Variants in SEMA3D observed in about 807,000 individuals in gnomAD.
SEMA3D encodes semaphorin 3D.
Under a neutral mutation model 100.1 loss-of-function variants are expected in SEMA3D, and 84 were observed. The ratio of observed to expected loss-of-function variants is 0.84; its 90% CI spans 0.70 to 1.01. SEMA3D has a LOEUF of 1.01. Ranked by LOEUF, SEMA3D falls within the 50% of genes least tolerant of loss-of-function variation. The probability of loss-of-function intolerance (pLI) is 0.00; values close to 1 mark genes in which losing one functional copy is unlikely to be tolerated. For missense variants in SEMA3D, 875 were observed against 934.1 expected (o/e 0.94, Z 0.82); for synonymous variants, 312 against 320.7 (o/e 0.97, Z 0.29).
chr7:85,181,887 CAAA>C, intron 1 of SEMA3D: 1 of 278,648 alleles, frequency 3.6e-6, no homozygotes, highest in Non-Finnish European at 5.4e-6. Flanking sequence ...TGAAAATCAT[CAAA>C]ATTATTAAAA....
chr7:85,191,225 C>T (rs545669216), upstream of SEMA3D, among the ~76,000 whole-genome samples: 5 of 152,120 alleles, frequency 3.3e-5, no homozygotes, highest in South Asian at 6.2e-4. Flanking sequence ...GAATTTGGAA[C>T]GGTTTTCCAC....
chr7:85,145,058 C>T (rs1790163425), intron 2 of SEMA3D, among the ~76,000 whole-genome samples: 1 of 152,038 alleles, frequency 6.6e-6, no homozygotes, highest in African/African-American at 2.4e-5. Context: ...TTCAAGGGCT[C>T]TGAATTATGA....
intron 11 of SEMA3D, 99 bp from the exon 12 acceptor site, chr7:85,037,132 T>C (rs1277127607): frequency 1.3e-5 from 15 of 1,174,702 alleles, no homozygotes; most frequent in Non-Finnish European, 1.6e-5. Flanking sequence ...CAAAATTTAC[T>C]TAGCACATTA....
At chr7:85,239,546 A>C in the SEMA3D span, among the ~76,000 whole-genome samples, 1 of 152,178 alleles carries the variant, frequency 6.6e-6, no homozygotes, top group Admixed American at 6.5e-5. Flanking sequence ...CTGACACAGA[A>C]AGTCTGCAGA....
chr7:85,214,347 TTACTAATTG>T, the SEMA3D span, among the ~76,000 whole-genome samples: 1 of 152,128 alleles, frequency 6.6e-6, no homozygotes, highest in Non-Finnish European at 1.5e-5. Context: ...TTGCACTATA[TTACTAATTG>T]TACCTAGAGT....
chr7:85,070,497 G>A (rs1270335202), intron 6 of SEMA3D, among the ~76,000 whole-genome samples: 4 of 152,048 alleles, frequency 2.6e-5, no homozygotes, highest in Non-Finnish European at 4.4e-5. Flanking sequence ...ACCTTAGGAG[G>A]AGCCTTATTT....
At position 85,065,585 on chromosome 7, in the gene SEMA3D, A is replaced by T. The variant is rs114386950; in HGVS notation, c.590-33T>A. 2,591 of 1,583,174 alleles carry T rather than the reference A, an allele frequency of 1.6e-3. 25 individuals carry two copies. In the African/African-American group the frequency reaches 0.029, roughly 18 times the overall value. Reference sequence around the variant, plus strand: ...GGAGAAAAAAGTACACAGAACTTTTAAGAGTACAGCAGTAGATGCTATTTA... The same window carrying T: ...GGAGAAAAAAGTACACAGAACTTTTTAGAGTACAGCAGTAGATGCTATTTA... On this transcript the variant is annotated intron_variant, in intron 7 of 18. Coordinates refer to ENST00000284136, the MANE Select transcript of SEMA3D (RefSeq NM_001384900.1).
At chr7:85,161,195 T>A (rs951509189) in intron 1 of SEMA3D, among the ~76,000 whole-genome samples, 15 of 152,138 alleles carry the variant, frequency 9.9e-5, no homozygotes, top group Non-Finnish European at 1.9e-4. Flanking sequence ...GTTGTTACAC[T>A]AGTCTTCACC....
At position 85,108,311 on chromosome 7, in the gene SEMA3D, C is replaced by T. The variant is rs553607069; in HGVS notation, c.152-10346G>A. Among the ~76,000 whole-genome samples, 5 of 152,048 alleles carry T rather than the reference C, an allele frequency of 3.3e-5. No homozygotes were observed. In the East Asian group the frequency reaches 9.7e-4, roughly 30 times the overall value. ...ATTTTTGTTTGCCTTGGTTTATCTACCTTTGATCTAAATCAGGATTTATTG... is the reference window on the plus strand; with the variant it reads ...ATTTTTGTTTGCCTTGGTTTATCTATCTTTGATCTAAATCAGGATTTATTG... On this transcript the variant is annotated intron_variant, in intron 3 of 18. Transcript: ENST00000284136.
At position 84,999,661 on chromosome 7, in the gene SEMA3D, G is replaced by A; in HGVS notation, c.2113C>T (p.Leu705=). Residue 705 remains leucine (L), a synonymous_variant, in exon 19 of 19, where the codon CTA becomes TTA. Coordinates refer to ENST00000284136, the MANE Select transcript of SEMA3D (RefSeq NM_001384900.1). ...TATCTCAACCGTGACTCAGCCAATAGATCCTTGACCTTCCCCTCCTCATGC... is the reference window on the plus strand; with the variant it reads ...TATCTCAACCGTGACTCAGCCAATAAATCCTTGACCTTCCCCTCCTCATGC... The part of the protein sequence containing the change: ...AEHEEGKVKD[L]LAESRLRYKD... 1 of 1,614,028 alleles carries A rather than the reference G, an allele frequency of 6.2e-7. No individual in the cohort carries two copies. The highest frequency in any genetic ancestry group is 8.5e-7 in the Non-Finnish European group (1 of 1,179,980).
chr7:85,066,389 A>C (rs1222943603), intron 7 of SEMA3D, among the ~76,000 whole-genome samples: 1 of 151,812 alleles, frequency 6.6e-6, no homozygotes, highest in African/African-American at 2.4e-5. Context: ...ACAAAGAGAA[A>C]AGAGAAAAGG....
intron 1 of SEMA3D, chr7:85,181,647 A>C (rs1791413615): frequency 4.8e-6 from 1 of 209,428 alleles, no homozygotes; most frequent in Admixed American, 6.5e-5. Flanking sequence ...CTACTCCTGA[A>C]GTGTGGGCTA....
At chr7:85,043,161 C>A (rs1790910148) in intron 9 of SEMA3D, among the ~76,000 whole-genome samples, 1 of 152,124 alleles carries the variant, frequency 6.6e-6, no homozygotes, top group Non-Finnish European at 1.5e-5. Flanking sequence ...AGTTCGAGAC[C>A]AGTATGGTCA....
At chr7:85,086,634 G>C (rs1315376030) in intron 4 of SEMA3D, among the ~76,000 whole-genome samples, 1 of 108,194 alleles carries the variant, frequency 9.2e-6, no homozygotes, top group Non-Finnish European at 1.7e-5. Flanking sequence ...CTCTCTCCGT[G>C]TGTGTGTGTG....
At chr7:85,177,029 C>G (rs979799494) in intron 1 of SEMA3D, among the ~76,000 whole-genome samples, 5 of 151,982 alleles carry the variant, frequency 3.3e-5, no homozygotes, top group Non-Finnish European at 7.4e-5. Context: ...GATTTGTAGC[C>G]TAGGAGCAAT....
the SEMA3D span, among the ~76,000 whole-genome samples, chr7:85,223,756 A>C: frequency 6.6e-6 from 1 of 152,028 alleles, no homozygotes; most frequent in Non-Finnish European, 1.5e-5. Context: ...AACTTTGGGG[A>C]CTCTGGGAGG....
rs115888363 is a variant in SEMA3D, at chr7:85,035,707, A to C, written c.1191+1182T>G. On this transcript the variant is annotated intron_variant, in intron 12 of 18. Transcript: ENST00000284136. The stretch of plus-strand genomic sequence containing the variant: ...CAACAATAATGGATGGTAAATTAAA[A>C]AATTTAAGGGGATAGGTCTCATGTT... 6.8e-3 allele frequency among the ~76,000 whole-genome samples: 1,036 copies of C among 152,184 alleles called. 9 individuals carry two copies. Among genetic ancestry groups the C allele is most frequent in the African/African-American group, 0.024 (992 of 41,562 alleles).
At chr7:85,118,581 A>G (rs1044960701) in intron 3 of SEMA3D, among the ~76,000 whole-genome samples, 39 of 152,176 alleles carry the variant, frequency 2.6e-4, no homozygotes, top group Admixed American at 2.2e-3. Flanking sequence ...GGACTAAAGT[A>G]TCCCTTACAG....
chr7:85,122,285 A>T (rs1051141542), intron 2 of SEMA3D, among the ~76,000 whole-genome samples: 3 of 152,058 alleles, frequency 2.0e-5, no homozygotes, highest in Non-Finnish European at 4.4e-5. Flanking sequence ...CAACTTACTA[A>T]ATTATAATGT....
Sources: allele counts gnomAD v4.1 joint callset (sites outside exome capture counted in the v4.1 genomes callset), GRCh38; gene constraint gnomAD v4.1.1; transcripts MANE v1.5; gene names NCBI Gene and HGNC (gene_info 2026-07-23, HGNC 2026-07-21).